MBNL1: variants seen among roughly 807,000 people sequenced by gnomAD.
MBNL1 encodes muscleblind like splicing regulator 1.
Under a neutral mutation model 42.2 loss-of-function variants are expected in MBNL1, and 8 were observed. The observed-to-expected ratio is 0.19, with a 90% CI of 0.11 to 0.34. The LOEUF is 0.34. Among genes scored for constraint, MBNL1 ranks in the 10% least tolerant of loss-of-function variants. The probability of loss-of-function intolerance (pLI) is 1.00; values close to 1 mark genes in which losing one functional copy is unlikely to be tolerated. For synonymous variants in MBNL1, 169 were observed against 173.9 expected, an observed-to-expected ratio of 0.97 and a Z score of 0.22; for missense variants, 309 against 495.3, an observed-to-expected ratio of 0.62 and a Z score of 3.57.
intron 1 of MBNL1, chr3:152,244,210 T>C (rs2032357160): frequency 6.6e-6 from 1 of 152,224 alleles, no homozygotes; most frequent in Non-Finnish European, 1.5e-5. Flanking sequence ...AGCCTGTTGC[T>C]GTGATTTCAA....
intron 2 of MBNL1, among the ~76,000 whole-genome samples, chr3:152,334,904 C>T (rs2088557408): frequency 6.6e-6 from 1 of 152,164 alleles, no homozygotes; most frequent in Non-Finnish European, 1.5e-5. Flanking sequence ...AGTATGATCA[C>T]AGGAAAACAC....
At chr3:152,336,765 T>C (rs2090504394) in intron 2 of MBNL1, among the ~76,000 whole-genome samples, 1 of 152,088 alleles carries the variant, frequency 6.6e-6, no homozygotes, top group South Asian at 2.1e-4. Context: ...ATTTTGCAGG[T>C]GAGGGGAGAA....
chr3:152,403,787 G>C (rs2098332256), intron 2 of MBNL1, among the ~76,000 whole-genome samples: 1 of 151,986 alleles, frequency 6.6e-6, no homozygotes, highest in African/African-American at 2.4e-5. Context: ...ACATGTTCTG[G>C]GCTCATGAGC....
chr3:152,427,198 A>G (rs1330765761), intron 3 of MBNL1, among the ~76,000 whole-genome samples: 5 of 152,190 alleles, frequency 3.3e-5, no homozygotes, highest in Non-Finnish European at 7.4e-5. Context: ...TTTAGGAACT[A>G]GGCCATGCCT....
intron 1 of MBNL1, among the ~76,000 whole-genome samples, chr3:152,294,299 T>A (rs1418067495): frequency 6.8e-6 from 1 of 147,736 alleles, no homozygotes; most frequent in African/African-American, 2.5e-5. Context: ...TTTTTTTTTT[T>A]TTGAGGCAGA....
chr3:152,263,745 C>T (rs1414616589), upstream of MBNL1: 1 of 152,186 alleles, frequency 6.6e-6, no homozygotes, highest in Admixed American at 6.5e-5. Context: ...CACCCCACCC[C>T]ACCCCTGCCT....
At chr3:152,453,836 A>G (rs1209986469) in intron 6 of MBNL1, among the ~76,000 whole-genome samples, 1 of 152,216 alleles carries the variant, frequency 6.6e-6, no homozygotes, top group Non-Finnish European at 1.5e-5. Context: ...AGACTTAATT[A>G]TGCATGGGAT....
At chr3:152,345,057 C>T (rs1406202119) in intron 2 of MBNL1, among the ~76,000 whole-genome samples, 1 of 151,860 alleles carries the variant, frequency 6.6e-6, no homozygotes, top group Non-Finnish European at 1.5e-5. Flanking sequence ...GGCATGAAAA[C>T]GTTGTTTTAC....
chr3:152,344,897 A>C (rs1424395028), intron 2 of MBNL1, among the ~76,000 whole-genome samples: 1 of 152,098 alleles, frequency 6.6e-6, no homozygotes, highest in African/African-American at 2.4e-5. Context: ...AAGGCACACA[A>C]AGACACACAG....
intron 1 of MBNL1, among the ~76,000 whole-genome samples, chr3:152,297,983 G>C (rs907485995): frequency 7.2e-5 from 11 of 152,120 alleles, no homozygotes; most frequent in Admixed American, 1.3e-4. Flanking sequence ...AAAAGTTGTA[G>C]TCGTACTGTA....
At chr3:152,337,086 C>A (rs2090757879) in intron 2 of MBNL1, among the ~76,000 whole-genome samples, 1 of 152,068 alleles carries the variant, frequency 6.6e-6, no homozygotes, top group South Asian at 2.1e-4. Context: ...TTATACTGAA[C>A]CTCTGACTTG....
chr3:152,455,501 CT>C, intron 6 of MBNL1, 40 bp from the exon 7 acceptor site: 2 of 1,565,076 alleles, frequency 1.3e-6, no homozygotes, highest in South Asian at 1.1e-5. Context: ...ATTCTTTTCC[CT>C]TTTCAAATCC....
chr3:152,420,615 C>A (rs2098788780), intron 3 of MBNL1, among the ~76,000 whole-genome samples: 1 of 152,192 alleles, frequency 6.6e-6, no homozygotes, highest in African/African-American at 2.4e-5. Flanking sequence ...TATCGAAGGT[C>A]ACCAACATCA....
At chr3:152,258,796 G>A (rs949017767) in intron 2 of MBNL1, among the ~76,000 whole-genome samples, 2 of 152,144 alleles carry the variant, frequency 1.3e-5, no homozygotes, top group Non-Finnish European at 2.9e-5. Flanking sequence ...GCCACATATC[G>A]TCTAAGCATA....
intron 8 of MBNL1, chr3:152,458,454 C>CT (rs1437825552): frequency 4.5e-6 from 2 of 447,022 alleles, no homozygotes; most frequent in African/African-American, 4.0e-5. Flanking sequence ...ATAGAAGAGA[C>CT]TTAAGCATAG....
chr3:152,454,199 T>A (rs747141445), intron 6 of MBNL1, among the ~76,000 whole-genome samples: 15 of 152,186 alleles, frequency 9.9e-5, no homozygotes, highest in Non-Finnish European at 1.8e-4. Flanking sequence ...ATAGGATGTG[T>A]CCCCAGATAC....
At chr3:152,315,075 AGG>A (rs1161700267) in intron 2 of MBNL1, among the ~76,000 whole-genome samples, 2 of 152,220 alleles carry the variant, frequency 1.3e-5, no homozygotes, top group Non-Finnish European at 2.9e-5. Flanking sequence ...ATCTGTTCAA[AGG>A]GGATGCTTGT....
chr3:152,392,622 C>T (rs1247529894), intron 2 of MBNL1, among the ~76,000 whole-genome samples: 1 of 152,150 alleles, frequency 6.6e-6, no homozygotes, highest in African/African-American at 2.4e-5. Flanking sequence ...AACATTTATC[C>T]TTAACCCCTT....
rs751827632 is a variant in MBNL1 at position 152,456,337 on chromosome 3, C to T, written c.1068C>T (p.Phe356=). 31 of 1,613,864 alleles carry T rather than the reference C, an allele frequency of 1.9e-5. No homozygotes were observed. The South Asian group carries it at 2.3e-4, about 12-fold the overall frequency. The part of the protein sequence containing the change: ...AATTSATSVP[F]AATATANQIP... ...CAACATCTGCCACAAGTGTTCCCTT[C>T]GCTGCAACAGCCACAGCCAACCAGG... Residue 356 remains phenylalanine, a synonymous_variant, in exon 8 of 10, where the codon TTC becomes TTT. Coordinates refer to ENST00000324210, the MANE Select transcript of MBNL1 (RefSeq NM_021038.5).
Sources: gnomAD v4.1 joint callset for allele counts (sites outside exome capture counted in the v4.1 genomes callset) on GRCh38, gnomAD v4.1.1 for gene constraint, MANE v1.5 for transcripts, NCBI Gene and HGNC (gene_info 2026-07-23, HGNC 2026-07-21) for gene names.